The following CDH12 variants were observed in gnomAD, a reference collection of about 807,000 sequenced individuals.
The protein encoded by CDH12 is cadherin 12, also known as cadherin-12.
A neutral mutation model predicts 74.1 loss-of-function variants in CDH12; 41 were observed. The observed-to-expected ratio is 0.55, with a 90% CI of 0.43 to 0.72. The LOEUF is 0.72. Among genes scored for constraint, CDH12 ranks in the 30% least tolerant of loss-of-function variants. CDH12 has a pLI of 0.00. For synonymous variants in CDH12, 399 were observed against 355.0 expected (o/e 1.12, Z -1.39); for missense variants, 945 against 977.2 (o/e 0.97, Z 0.44).
At chr5:22,140,909 T>C (rs1746755042) in intron 4 of CDH12, among the ~76,000 whole-genome samples, 2 of 152,162 alleles carry the variant, frequency 1.3e-5, no homozygotes, top group African/African-American at 4.8e-5. Flanking sequence ...ACATTTCAGG[T>C]CCTTCACAGA....
chr5:22,431,295 C>T (rs879597879), intron 2 of CDH12, among the ~76,000 whole-genome samples: 7 of 152,238 alleles, frequency 4.6e-5, no homozygotes, highest in East Asian at 1.9e-4. Context: ...CAGTCCTATA[C>T]GTTTATGATG....
At chr5:22,612,972 G>A (rs1266162740) in intron 1 of CDH12, among the ~76,000 whole-genome samples, 1 of 152,124 alleles carries the variant, frequency 6.6e-6, no homozygotes, top group Non-Finnish European at 1.5e-5. Context: ...AAGATGGAGT[G>A]TAGCAGAGCA....
intron 13 of CDH12, 62 bp downstream of exon 13, chr5:21,760,496 C>T: frequency 2.5e-6 from 2 of 801,498 alleles, no homozygotes; most frequent in East Asian, 2.5e-5. Flanking sequence ...ATTGATTCCT[C>T]CCTTTGTGCC....
intron 5 of CDH12, among the ~76,000 whole-genome samples, chr5:21,987,436 GTC>G (rs2150132382): frequency 6.6e-6 from 1 of 152,276 alleles, no homozygotes; most frequent in Non-Finnish European, 1.5e-5. Context: ...TTAGCTGTAT[GTC>G]TCAGAAACAG....
chr5:22,126,002 G>C lies in CDH12; in HGVS notation c.-186-47140C>G, dbSNP rs536582827. ...TCTATTGTGTATTTCATTCATTTTG[G>C]GGGGGGGACAAATTCTACAAACTGC... is the stretch of plus-strand genomic sequence containing the variant. On this transcript the variant is annotated intron_variant, in intron 4 of 14. Transcript: ENST00000382254. Among the ~76,000 whole-genome samples the C allele has an allele frequency of 2.0e-4, 29 of 144,474 alleles. No homozygotes were observed. The South Asian group carries it at 2.3e-3, about 11-fold the overall frequency. 94.8% of individuals were successfully genotyped at this position (144,474 alleles called of 152,430 possible).
intron 4 of CDH12, among the ~76,000 whole-genome samples, chr5:22,149,057 G>A (rs1747401800): frequency 6.6e-6 from 1 of 152,168 alleles, no homozygotes. Flanking sequence ...GGCAGAGGTT[G>A]CAGTGAGCCA....
intron 4 of CDH12, among the ~76,000 whole-genome samples, chr5:22,173,800 G>C (rs1292467298): frequency 6.6e-6 from 1 of 151,634 alleles, no homozygotes; most frequent in Non-Finnish European, 1.5e-5. Flanking sequence ...ATAATTTTTT[G>C]CAATACTAAT....
chr5:22,433,283 G>A (rs1238519229), intron 2 of CDH12, among the ~76,000 whole-genome samples: 1 of 152,128 alleles, frequency 6.6e-6, no homozygotes, highest in East Asian at 1.9e-4. Context: ...CATTTGCCAT[G>A]TGTGAAAAAT....
chr5:22,676,564 G>A (rs1293399508), intron 1 of CDH12, among the ~76,000 whole-genome samples: 1 of 152,178 alleles, frequency 6.6e-6, no homozygotes, highest in Non-Finnish European at 1.5e-5. Context: ...GACACATGCT[G>A]TTTTTAACAT....
chr5:22,106,775 G>A (rs1031320149), intron 4 of CDH12, among the ~76,000 whole-genome samples: 18 of 152,154 alleles, frequency 1.2e-4, no homozygotes, highest in African/African-American at 4.3e-4. Flanking sequence ...TATCCATCAA[G>A]TAATAACTTG....
intron 1 of CDH12, among the ~76,000 whole-genome samples, chr5:22,681,722 G>T (rs559100521): frequency 2.6e-4 from 40 of 152,066 alleles, no homozygotes; most frequent in African/African-American, 9.4e-4. Flanking sequence ...ATATAAAAAA[G>T]ATCTGAAACA....
chr5:22,373,831 A>C (rs998705337), intron 3 of CDH12, among the ~76,000 whole-genome samples: 2 of 152,204 alleles, frequency 1.3e-5, no homozygotes, highest in Non-Finnish European at 2.9e-5. Context: ...GGAAGAAGTG[A>C]CTATTACAAC....
intron 1 of CDH12, among the ~76,000 whole-genome samples, chr5:22,637,495 C>T (rs1254235472): frequency 6.6e-6 from 1 of 152,206 alleles, no homozygotes; most frequent in African/African-American, 2.4e-5. Context: ...GCACCAGATG[C>T]TACAAAGTGC....
At chr5:22,340,242 C>T (rs1368910109) in intron 3 of CDH12, among the ~76,000 whole-genome samples, 2 of 152,098 alleles carry the variant, frequency 1.3e-5, no homozygotes, top group Non-Finnish European at 2.9e-5. Flanking sequence ...TCAAAAAATT[C>T]TGGGCTGGGT....
intron 5 of CDH12, among the ~76,000 whole-genome samples, chr5:22,058,778 G>C (rs1740947064): frequency 6.7e-6 from 1 of 150,018 alleles, no homozygotes; most frequent in Non-Finnish European, 1.5e-5. Flanking sequence ...AAGGGAGGGA[G>C]GGAGGGAGGA....
intron 3 of CDH12, among the ~76,000 whole-genome samples, chr5:22,233,016 T>A (rs1387784656): frequency 6.6e-6 from 1 of 151,342 alleles, no homozygotes; most frequent in African/African-American, 2.4e-5. Context: ...TATTTGTATG[T>A]CTTCACTCAA....
chr5:22,094,996 G>A (rs906052658), intron 4 of CDH12, among the ~76,000 whole-genome samples: 2 of 152,108 alleles, frequency 1.3e-5, no homozygotes, highest in African/African-American at 2.4e-5. Context: ...CTGTGCCCAG[G>A]TGATTAAAAA....
At chr5:22,151,163 T>G (rs1747555586) in intron 4 of CDH12, among the ~76,000 whole-genome samples, 1 of 152,158 alleles carries the variant, frequency 6.6e-6, no homozygotes, top group Non-Finnish European at 1.5e-5. Context: ...CACAGGGAGG[T>G]TAAATGGCTT....
intron 4 of CDH12, among the ~76,000 whole-genome samples, chr5:22,193,464 G>GTTAATTT (rs1750420616): frequency 1.3e-5 from 2 of 152,158 alleles, no homozygotes; most frequent in Admixed American, 6.5e-5. Context: ...ACTTTCCTAG[G>GTTAATTT]CATTGAGGAG....
Sources: gnomAD v4.1 joint callset for allele counts (sites outside exome capture counted in the v4.1 genomes callset) on GRCh38, gnomAD v4.1.1 for gene constraint, MANE v1.5 for transcripts, NCBI Gene and HGNC (gene_info 2026-07-23, HGNC 2026-07-21) for gene names.